The following SEM1 variants were observed in gnomAD, a reference collection of about 807,000 sequenced individuals.
The protein encoded by SEM1 is 26S proteasome complex subunit SEM1.
In SEM1, 3 loss-of-function variants were observed where a neutral mutation model predicts 12.7. The observed-to-expected ratio is 0.24, with a 90% CI of 0.11 to 0.61. The LOEUF is 0.61. SEM1 is among the 20% of genes least tolerant of loss of function. SEM1 has a pLI of 0.88. For synonymous variants in SEM1, 30 were observed against 27.8 expected, an observed-to-expected ratio of 1.08 and a Z score of -0.25; for missense variants, 59 against 81.3, an observed-to-expected ratio of 0.73 and a Z score of 1.06.
chr7:96,552,229 T>A (rs146269391), intron 2 of SEM1, among the ~76,000 whole-genome samples: 4,478 of 152,052 alleles, frequency 0.029, 242 homozygotes, highest in African/African-American at 0.1. Context: ...TTAGGGTACA[T>A]GTGCACATTG....
chr7:96,482,393 T>C (rs916139858), exon 4 of SEM1: 28 of 152,328 alleles, frequency 1.8e-4, no homozygotes, highest in African/African-American at 6.5e-4. Flanking sequence ...CTTGCCCAGA[T>C]CTATGAAAAG....
intron 2 of SEM1, among the ~76,000 whole-genome samples, chr7:96,630,230 C>T (rs965475366): frequency 2.0e-5 from 3 of 152,346 alleles, no homozygotes; most frequent in East Asian, 3.9e-4. Flanking sequence ...TGAGTTCCTC[C>T]ACTCCCCACG....
intron 2 of SEM1, among the ~76,000 whole-genome samples, chr7:96,509,073 A>G (rs372106314): frequency 1.3e-5 from 2 of 149,968 alleles, no homozygotes; most frequent in African/African-American, 4.9e-5. Context: ...TGCAACTTCC[A>G]TCTCCCAGGT....
chr7:96,594,399 C>T (rs1350549585), intron 2 of SEM1, among the ~76,000 whole-genome samples: 10 of 149,570 alleles, frequency 6.7e-5, no homozygotes, highest in African/African-American at 2.2e-4. Context: ...ATATGAAAAC[C>T]CCCCCACCAT....
At chr7:96,491,860 C>A (rs183072609) in intron 1 of SEM1, among the ~76,000 whole-genome samples, 1 of 152,164 alleles carries the variant, frequency 6.6e-6, no homozygotes, top group Non-Finnish European at 1.5e-5. Context: ...GAGCACCTAC[C>A]AAATACAAAA....
chr7:96,554,034 T>A (rs1224190786), intron 2 of SEM1, among the ~76,000 whole-genome samples: 1 of 151,704 alleles, frequency 6.6e-6, no homozygotes, highest in Non-Finnish European at 1.5e-5. Context: ...GTGATTTTTG[T>A]ACATTGATTT....
At chr7:96,560,369 A>G (rs1429342178) in intron 2 of SEM1, among the ~76,000 whole-genome samples, 1 of 152,158 alleles carries the variant, frequency 6.6e-6, no homozygotes, top group Admixed American at 6.5e-5. Flanking sequence ...AAATTTTTAA[A>G]AATAAATATG....
At chr7:96,518,942 T>C (rs4367457) in intron 2 of SEM1, among the ~76,000 whole-genome samples, 19,367 of 152,118 alleles carry the variant, frequency 0.13, 1,330 homozygotes, top group South Asian at 0.19. Context: ...TTGAATAACT[T>C]TTCTTTTCCT....
intron 2 of SEM1, among the ~76,000 whole-genome samples, chr7:96,606,322 G>A (rs1807378934): frequency 6.6e-6 from 1 of 152,068 alleles, no homozygotes; most frequent in Admixed American, 6.6e-5. Context: ...GGAGAACAAG[G>A]GCAAAAAATA....
At chr7:96,688,728 T>C (rs980528914), downstream of SEM1, 2 of 463,976 alleles carry the variant, frequency 4.3e-6, no homozygotes, top group African/African-American at 4.1e-5. Flanking sequence ...AGAAAATTGA[T>C]TAGAAGCAAA....
At chr7:96,682,121 C>G (rs766995204) in intron 2 of SEM1, among the ~76,000 whole-genome samples, 7 of 151,880 alleles carry the variant, frequency 4.6e-5, no homozygotes, top group Non-Finnish European at 1.0e-4. Flanking sequence ...AATTGTAGTC[C>G]TAGGTATTTT....
intron 2 of SEM1, among the ~76,000 whole-genome samples, chr7:96,654,739 A>G (rs948051923): frequency 6.6e-6 from 1 of 152,178 alleles, no homozygotes; most frequent in Non-Finnish European, 1.5e-5. Flanking sequence ...CTTATTATAT[A>G]TTTGTAGGGA....
downstream of SEM1, chr7:96,673,040 T>C (rs1380622252): frequency 3.3e-5 from 5 of 152,206 alleles, no homozygotes; most frequent in African/African-American, 1.2e-4. Context: ...TAATTGTTTG[T>C]CTTTTAGGAG....
chr7:96,646,097 C>T (rs1262835725), intron 2 of SEM1, among the ~76,000 whole-genome samples: 9 of 152,164 alleles, frequency 5.9e-5, no homozygotes, highest in South Asian at 2.1e-4. Flanking sequence ...AGATGTACTT[C>T]TCCATGGTCT....
At chr7:96,580,551 T>G (rs543065692) in intron 2 of SEM1, among the ~76,000 whole-genome samples, 1 of 152,198 alleles carries the variant, frequency 6.6e-6, no homozygotes, top group African/African-American at 2.4e-5. Context: ...CCACACTGAC[T>G]TCCACAATGG....
upstream of SEM1, among the ~76,000 whole-genome samples, chr7:96,498,890 T>G (rs190906450): frequency 1.2e-3 from 176 of 152,270 alleles, no homozygotes; most frequent in Non-Finnish European, 1.8e-3. Flanking sequence ...TTAATAATAG[T>G]TTCTGTCCCA....
rs1033450958 is a variant in SEM1, at chr7:96,640,726, G to A, written c.171-18083C>T. ...ACCCTAATGGAAACTATGAGCTTTGGATGATGATGTGTTACTGGAAGTTCA... is the reference window on the plus strand; with the variant it reads ...ACCCTAATGGAAACTATGAGCTTTGAATGATGATGTGTTACTGGAAGTTCA... On this transcript the variant is annotated intron_variant, in intron 2 of 2. Coordinates refer to the SEM1 transcript ENST00000417009. This position sits in a 1 kb window ranked among gnomAD's most constrained non-coding sequence, Gnocchi z 4.0. Among the ~76,000 whole-genome samples the A allele has an allele frequency of 2.6e-5, 4 of 151,950 alleles. No individual in the cohort carries two copies. In the South Asian group the frequency reaches 8.3e-4, roughly 32 times the overall value.
intron 2 of SEM1, among the ~76,000 whole-genome samples, chr7:96,531,464 C>A: frequency 6.6e-6 from 1 of 150,504 alleles, no homozygotes; most frequent in East Asian, 2.0e-4. Flanking sequence ...ACTAGTCAGG[C>A]AGGGTGGTGT....
intron 2 of SEM1, among the ~76,000 whole-genome samples, chr7:96,511,434 G>T (rs557054839): frequency 6.6e-6 from 1 of 152,236 alleles, no homozygotes; most frequent in Admixed American, 6.5e-5. Flanking sequence ...TCTTCATGGA[G>T]ATGGACACTG....
Sources: allele counts gnomAD v4.1 joint callset (sites outside exome capture counted in the v4.1 genomes callset), GRCh38; gene constraint gnomAD v4.1.1; non-coding constraint Gnocchi (gnomAD v3.1); transcripts MANE v1.5; gene names NCBI Gene and HGNC (gene_info 2026-07-23, HGNC 2026-07-21).